EEFSEC: variants seen among roughly 807,000 people sequenced by gnomAD.
EEFSEC encodes the protein eukaryotic elongation factor, selenocysteine-tRNA specific, also known as selenocysteine-specific elongation factor.
In EEFSEC, 43 loss-of-function variants were observed where a neutral mutation model predicts 42.1. The observed-to-expected ratio is 1.02, with a 90% CI of 0.80 to 1.32. EEFSEC has a LOEUF of 1.32. EEFSEC is among the 40% of genes most tolerant of loss of function. EEFSEC has a pLI of 0.00. For synonymous variants in EEFSEC, 354 were observed against 339.1 expected, an observed-to-expected ratio of 1.04 and a Z score of -0.48; for missense variants, 745 against 803.6, an observed-to-expected ratio of 0.93 and a Z score of 0.88.
chr3:128,381,930 A>G (rs1235374145), intron 6 of EEFSEC, among the ~76,000 whole-genome samples: 3 of 152,118 alleles, frequency 2.0e-5, no homozygotes, highest in Non-Finnish European at 4.4e-5. Flanking sequence ...AGCAGGGAGC[A>G]GGGGGAAGAA....
chr3:128,414,433 G>C, the EEFSEC span, among the ~76,000 whole-genome samples: 1,481 of 152,312 alleles, frequency 9.7e-3, 26 homozygotes, highest in African/African-American at 0.032. Flanking sequence ...GAAAGGCAAG[G>C]GGGGAGCGGA....
At chr3:128,155,101 GTTTTTTGTTTTTTTGT>G (rs765957023) in intron 1 of EEFSEC, among the ~76,000 whole-genome samples, 1 of 151,864 alleles carries the variant, frequency 6.6e-6, no homozygotes, top group Non-Finnish European at 1.5e-5. Flanking sequence ...GAAAAGACCC[GTTTTTTGTTTTTTTGT>G]TTTTTTGTTT....
In EEFSEC at chr3:128,154,534, C is replaced by T. The variant is rs1944336281; in HGVS notation, c.316+711C>T. On this transcript the variant is annotated intron_variant, in intron 1 of 6. Coordinates refer to ENST00000254730, the MANE Select transcript of EEFSEC (RefSeq NM_021937.5). ...GCACGATCTCGGCTCACTGCAACTTCCGCCTCCTGGGTTCAAGCGATTGTC... is the reference window on the plus strand; with the variant it reads ...GCACGATCTCGGCTCACTGCAACTTTCGCCTCCTGGGTTCAAGCGATTGTC... Among the ~76,000 whole-genome samples the T allele has an allele frequency of 2.0e-5, 3 of 152,118 alleles. No homozygotes were observed. The East Asian group carries it at 5.8e-4, about 29-fold the overall frequency.
At chr3:128,282,932 G>A (rs1163003242) in intron 4 of EEFSEC, among the ~76,000 whole-genome samples, 1 of 152,254 alleles carries the variant, frequency 6.6e-6, no homozygotes, top group Non-Finnish European at 1.5e-5. Context: ...CAGCCAGAGT[G>A]AGGGACTAGA....
chr3:128,238,546 C>T (rs762141283), intron 1 of EEFSEC, among the ~76,000 whole-genome samples: 2 of 152,170 alleles, frequency 1.3e-5, no homozygotes, highest in African/African-American at 2.4e-5. Context: ...CTTGCTCTGT[C>T]GCCCAGGCCA....
intron 6 of EEFSEC, among the ~76,000 whole-genome samples, chr3:128,374,803 G>T (rs2067691525): frequency 6.6e-6 from 1 of 152,162 alleles, no homozygotes; most frequent in Non-Finnish European, 1.5e-5. Context: ...TATTGAAATT[G>T]CCATTTTGCA....
At chr3:128,194,242 C>T (rs994733067) in intron 1 of EEFSEC, among the ~76,000 whole-genome samples, 18 of 152,176 alleles carry the variant, frequency 1.2e-4, no homozygotes, top group African/African-American at 3.9e-4. Flanking sequence ...TTGGGACTTC[C>T]GGAGAGCTTG....
chr3:128,243,321 G>T (rs906372411), intron 1 of EEFSEC, among the ~76,000 whole-genome samples: 1 of 152,168 alleles, frequency 6.6e-6, no homozygotes, highest in Non-Finnish European at 1.5e-5. Flanking sequence ...AGTTTTCTGG[G>T]TCTGTCAATC....
chr3:128,345,783 CT>C (rs945193577), intron 5 of EEFSEC, among the ~76,000 whole-genome samples: 2 of 152,350 alleles, frequency 1.3e-5, no homozygotes, highest in African/African-American at 4.8e-5. Flanking sequence ...TAAGTGAGCA[CT>C]TTCCGCCAGG....
At chr3:128,420,439 C>G in the EEFSEC span, among the ~76,000 whole-genome samples, 4 of 152,222 alleles carry the variant, frequency 2.6e-5, no homozygotes, top group Admixed American at 6.5e-5. Context: ...CCACAGCCTC[C>G]CAGGAGAGGG....
intron 6 of EEFSEC, among the ~76,000 whole-genome samples, chr3:128,400,034 C>T (rs1185685009): frequency 1.3e-5 from 2 of 152,096 alleles, no homozygotes; most frequent in Non-Finnish European, 2.9e-5. Flanking sequence ...CAGACATGAC[C>T]GCCAGGCCCC....
intron 6 of EEFSEC, among the ~76,000 whole-genome samples, chr3:128,375,935 A>T (rs2067705043): frequency 6.6e-6 from 1 of 152,164 alleles, no homozygotes; most frequent in African/African-American, 2.4e-5. Context: ...TTTAAGCTAG[A>T]TGGGGCTGAG....
chr3:128,410,316 G>C (rs1360414134), downstream of EEFSEC, among the ~76,000 whole-genome samples: 1 of 152,200 alleles, frequency 6.6e-6, no homozygotes, highest in Non-Finnish European at 1.5e-5. Context: ...GGGACAGAAA[G>C]CTCTGAGCTC....
chr3:128,376,739 C>A (rs547550258), intron 6 of EEFSEC, among the ~76,000 whole-genome samples: 7 of 152,146 alleles, frequency 4.6e-5, no homozygotes, highest in Non-Finnish European at 8.8e-5. Flanking sequence ...AAGCAGTGAG[C>A]ATATCAGGAT....
At chr3:128,407,874 G>A (rs2107642385) in intron 6 of EEFSEC, among the ~76,000 whole-genome samples, 195 bp from the exon 7 acceptor site, 1 of 152,310 alleles carries the variant, frequency 6.6e-6, no homozygotes, top group South Asian at 2.1e-4. Flanking sequence ...GCCCCAAGAG[G>A]CACAGTGCCC....
chr3:128,209,169 A>C (rs558899295), intron 1 of EEFSEC, among the ~76,000 whole-genome samples: 10 of 152,378 alleles, frequency 6.6e-5, no homozygotes, highest in Non-Finnish European at 1.0e-4. Context: ...GGTTAAACTC[A>C]GTTCAGCAAT....
chr3:128,321,639 T>C (rs1443139833), intron 4 of EEFSEC, among the ~76,000 whole-genome samples: 1 of 152,156 alleles, frequency 6.6e-6, no homozygotes, highest in Non-Finnish European at 1.5e-5. Flanking sequence ...CTGCACTGGC[T>C]TTCCCCTGCC....
In EEFSEC at chr3:128,355,070, C is replaced by T. The variant is rs573559254; in HGVS notation, c.1444-3147C>T. 2.9e-4 allele frequency among the ~76,000 whole-genome samples: 44 copies of T among 152,316 alleles called. 2 individuals carry two copies. The South Asian group carries it at 8.3e-3, about 29-fold the overall frequency. On this transcript the variant is annotated intron_variant, in intron 5 of 6. Transcript: ENST00000254730. ...ACTTGAGTAATGTATTTCTACCTCCCGGCGTCTTCCCCTTGATGCCATGTG... is the reference window on the plus strand; with the variant it reads ...ACTTGAGTAATGTATTTCTACCTCCTGGCGTCTTCCCCTTGATGCCATGTG...
intron 4 of EEFSEC, among the ~76,000 whole-genome samples, chr3:128,296,773 A>G (rs958112787): frequency 5.3e-5 from 8 of 152,204 alleles, no homozygotes; most frequent in Admixed American, 1.3e-4. Context: ...CCTGAAAGAC[A>G]CGATTTGGAT....
Sources: allele counts gnomAD v4.1 joint callset (sites outside exome capture counted in the v4.1 genomes callset), GRCh38; gene constraint gnomAD v4.1.1; transcripts MANE v1.5; gene names NCBI Gene and HGNC (gene_info 2026-07-23, HGNC 2026-07-21).